Variants in ARHGAP15 observed in about 807,000 individuals in gnomAD.
ARHGAP15 encodes rho GTPase-activating protein 15.
ARHGAP15 carries 51 observed loss-of-function variants against 63.7 expected under a neutral mutation model. The observed-to-expected ratio is 0.80, with a 90% CI of 0.64 to 1.01. The LOEUF (loss-of-function observed/expected upper bound fraction) is 1.01, where lower values mean the gene tolerates loss of function less well. Ranked by LOEUF, ARHGAP15 falls within the 50% of genes least tolerant of loss-of-function variation. ARHGAP15 has a pLI of 0.00. For missense variants in ARHGAP15, 560 were observed against 564.6 expected, an observed-to-expected ratio of 0.99 and a Z score of 0.08; for synonymous variants, 191 against 193.8, an observed-to-expected ratio of 0.99 and a Z score of 0.12.
At chr2:143,268,175 G>GTT (rs200736838) in intron 6 of ARHGAP15, among the ~76,000 whole-genome samples, 11 of 142,746 alleles carry the variant, frequency 7.7e-5, no homozygotes, top group African/African-American at 1.0e-4. Context: ...ATAGAGTGTA[G>GTT]TTTTTTTTTT....
At chr2:143,450,761 T>C (rs1339930991) in intron 8 of ARHGAP15, among the ~76,000 whole-genome samples, 2 of 151,950 alleles carry the variant, frequency 1.3e-5, no homozygotes, top group Non-Finnish European at 2.9e-5. Flanking sequence ...TTTTTTTTAC[T>C]GCACTTAAGA....
At chr2:143,426,260 C>T (rs1369018707) in intron 6 of ARHGAP15, among the ~76,000 whole-genome samples, 2 of 152,120 alleles carry the variant, frequency 1.3e-5, no homozygotes, top group African/African-American at 4.8e-5. Context: ...GTAAATATTG[C>T]ACCTCTTAAA....
In ARHGAP15 at chr2:143,543,006, A is replaced by G. The variant is rs374421962; in HGVS notation, c.926-13402A>G. ...TTGTAAATATTGCTGTAATAAAATA[A>G]GAATGCAGATATCTTTTTGATATAC... On this transcript the variant is annotated intron_variant, in intron 10 of 13. Transcript: ENST00000295095. 4.6e-5 allele frequency among the ~76,000 whole-genome samples: 7 copies of G among 151,426 alleles called. No homozygotes were observed. In the South Asian group the frequency reaches 1.5e-3, roughly 31 times the overall value.
At chr2:143,452,293 T>C (rs1422181871) in intron 8 of ARHGAP15, among the ~76,000 whole-genome samples, 34 of 151,976 alleles carry the variant, frequency 2.2e-4, no homozygotes, top group Non-Finnish European at 1.3e-4. Context: ...AATCGAACAC[T>C]TTGATATAGG....
intron 6 of ARHGAP15, among the ~76,000 whole-genome samples, chr2:143,285,657 A>C (rs894593644): frequency 8.5e-5 from 13 of 152,176 alleles, no homozygotes; most frequent in Non-Finnish European, 1.6e-4. Flanking sequence ...TATTTCTTTA[A>C]ATTGAGAAAC....
At chr2:143,647,652 T>A (rs1400674253) in intron 12 of ARHGAP15, among the ~76,000 whole-genome samples, 3 of 152,008 alleles carry the variant, frequency 2.0e-5, no homozygotes, top group Admixed American at 2.0e-4. Context: ...AGATCTCATT[T>A]GGGGAAAAAA....
At chr2:143,549,672 C>T (rs529756258) in intron 10 of ARHGAP15, among the ~76,000 whole-genome samples, 8 of 152,238 alleles carry the variant, frequency 5.3e-5, no homozygotes, top group Middle Eastern at 3.4e-3. Flanking sequence ...TCTGTAAGGA[C>T]GGAAAAGTTG....
intron 2 of ARHGAP15, among the ~76,000 whole-genome samples, chr2:143,184,627 G>A (rs1237192849): frequency 2.0e-5 from 3 of 151,058 alleles, no homozygotes; most frequent in Non-Finnish European, 4.4e-5. Flanking sequence ...CATTTTGGAG[G>A]TAGGTAAAAA....
Position 143,759,926 on chromosome 2 carries a change from G to T in ARHGAP15, c.1245-8063G>T, listed in dbSNP as rs962233161. Among the ~76,000 whole-genome samples, 5 of 152,152 alleles carry T rather than the reference G, an allele frequency of 3.3e-5. No individual in the cohort carries two copies. In the South Asian group the frequency reaches 1.0e-3, roughly 31 times the overall value. On this transcript the variant is annotated intron_variant, in intron 13 of 13. Coordinates refer to ENST00000295095, the MANE Select transcript of ARHGAP15 (RefSeq NM_018460.4). ...TCCAAGCCATCAGGGTTTTTTTAAA[G>T]TTCCCTAGGGTCAGTGGAAGAACCA...
At chr2:143,181,845 C>T (rs899204538) in intron 2 of ARHGAP15, among the ~76,000 whole-genome samples, 2 of 152,188 alleles carry the variant, frequency 1.3e-5, no homozygotes, top group Non-Finnish European at 2.9e-5. Context: ...AATAACTTTT[C>T]CTTTGCATTC....
chr2:143,157,669 T>C (rs1267943169), intron 2 of ARHGAP15, among the ~76,000 whole-genome samples: 1 of 151,682 alleles, frequency 6.6e-6, no homozygotes, highest in African/African-American at 2.4e-5. Flanking sequence ...GATACTGTAT[T>C]GAAAGCTTGC....
chr2:143,675,621 G>A (rs534823633), intron 12 of ARHGAP15, among the ~76,000 whole-genome samples: 121 of 152,232 alleles, frequency 7.9e-4, no homozygotes, highest in Non-Finnish European at 1.5e-3. Context: ...CCATTAGAGC[G>A]GTAATACATT....
chr2:143,166,897 A>G (rs535113656), intron 2 of ARHGAP15, among the ~76,000 whole-genome samples: 19 of 152,078 alleles, frequency 1.2e-4, no homozygotes, highest in Non-Finnish European at 2.5e-4. Flanking sequence ...TAGTATTCTT[A>G]TCTGGTTAGA....
At chr2:143,685,239 A>G (rs1203423512) in intron 12 of ARHGAP15, among the ~76,000 whole-genome samples, 1 of 152,172 alleles carries the variant, frequency 6.6e-6, no homozygotes, top group Non-Finnish European at 1.5e-5. Context: ...AGTTTTAATT[A>G]GAGAGCTATA....
chr2:143,546,656 A>C (rs1414329898), intron 10 of ARHGAP15, among the ~76,000 whole-genome samples: 1 of 152,018 alleles, frequency 6.6e-6, no homozygotes, highest in African/African-American at 2.4e-5. Flanking sequence ...AATTAGATTC[A>C]TTGTTCTTGT....
intron 10 of ARHGAP15, among the ~76,000 whole-genome samples, chr2:143,537,364 C>T (rs191299831): frequency 1.7e-4 from 26 of 152,110 alleles, no homozygotes; most frequent in African/African-American, 5.3e-4. Context: ...TTTTGCTGTG[C>T]GGAAGCTCTT....
intron 11 of ARHGAP15, among the ~76,000 whole-genome samples, chr2:143,622,406 T>C (rs577618039): frequency 2.0e-5 from 3 of 152,212 alleles, no homozygotes; most frequent in Middle Eastern, 3.4e-3. Flanking sequence ...ATTTCAACAA[T>C]GTGAAAACCC....
intron 6 of ARHGAP15, among the ~76,000 whole-genome samples, chr2:143,401,196 CTTTGT>C (rs1481363934): frequency 6.6e-6 from 1 of 151,806 alleles, no homozygotes; most frequent in African/African-American, 2.4e-5. Context: ...TTAGTTTTGT[CTTTGT>C]TTTGTTTAGG....
chr2:143,759,529 A>G (rs1406712792), intron 13 of ARHGAP15, among the ~76,000 whole-genome samples: 1 of 152,118 alleles, frequency 6.6e-6, no homozygotes, highest in East Asian at 1.9e-4. Flanking sequence ...CTCGAACCCA[A>G]AGAAATGATT....
Sources: allele counts gnomAD v4.1 joint callset (sites outside exome capture counted in the v4.1 genomes callset), GRCh38; gene constraint gnomAD v4.1.1; transcripts MANE v1.5; gene names NCBI Gene and HGNC (gene_info 2026-07-23, HGNC 2026-07-21).